PHLDB3: variants seen among roughly 807,000 people sequenced by gnomAD.
PHLDB3 encodes pleckstrin homology-like domain family B member 3.
Under a neutral mutation model 85.7 loss-of-function variants are expected in PHLDB3, and 86 were observed. The observed-to-expected ratio is 1.00, with a 90% CI of 0.84 to 1.20. The LOEUF (loss-of-function observed/expected upper bound fraction) is 1.20. PHLDB3 is among the 50% of genes most tolerant of loss of function. PHLDB3 has a pLI of 0.00. For synonymous variants in PHLDB3, 376 were observed against 349.8 expected, an observed-to-expected ratio of 1.07 and a Z score of -0.83; for missense variants, 995 against 873.0, an observed-to-expected ratio of 1.14 and a Z score of -1.76.
chr19:43,501,559 G>T, intron 4 of PHLDB3, 175 bp downstream of exon 4: 4 of 1,252,540 alleles, frequency 3.2e-6, no homozygotes, highest in Middle Eastern at 2.1e-4. Context: ...CAAAAATCTC[G>T]CCCAGGGAGG....
intron 13 of PHLDB3, chr19:43,485,989 CCTT>C (rs1313085447): frequency 1.0e-6 from 1 of 985,258 alleles, no homozygotes; most frequent in Non-Finnish European, 1.2e-6. Context: ...GACTTGTCCT[CCTT>C]CTGTACTGAC....
chr19:43,485,559 A>AT (rs754136421), intron 13 of PHLDB3, among the ~76,000 whole-genome samples: 2,256 of 132,464 alleles, frequency 0.017, 47 homozygotes, highest in African/African-American at 0.051. Context: ...TTTGGTTTTG[A>AT]TTTTTTTTTT....
chr19:43,498,858 A>T (rs1239996102), intron 4 of PHLDB3, among the ~76,000 whole-genome samples: 2 of 152,218 alleles, frequency 1.3e-5, no homozygotes, highest in Non-Finnish European at 2.9e-5. Flanking sequence ...CAAATGCATG[A>T]AAGTTGAAAA....
intron 6 of PHLDB3, chr19:43,496,034 G>A (rs77146826): frequency 9.1e-6 from 1 of 109,416 alleles, no homozygotes; most frequent in African/African-American, 3.7e-5. Context: ...TTTTTTTTTT[G>A]AGATGGAGTT....
At chr19:43,487,212 C>G in intron 9 of PHLDB3, 89 bp from the exon 10 acceptor site, 1 of 1,058,526 alleles carries the variant, frequency 9.4e-7, no homozygotes, top group Non-Finnish European at 1.4e-6. Flanking sequence ...ACCACCCAGT[C>G]AGCACAAATC....
In PHLDB3 at chr19:43,486,510, C is replaced by T. The variant is rs1475832613; in HGVS notation, c.1428+99G>A. On this transcript the variant is annotated intron_variant, in intron 12 of 15. Coordinates refer to ENST00000292140, the MANE Select transcript of PHLDB3 (RefSeq NM_198850.4). ...GGGTGGAGGGGCTGGGGGCCTGGAC[C>T]CCTGGGTCTGAGGGAGGTGGAGTTG... The T allele has an allele frequency of 6.3e-6, 9 of 1,419,564 alleles. No individual in the cohort carries two copies. In the African/African-American group the frequency reaches 7.1e-5, roughly 11 times the overall value. The allele number at this position is 1,419,564 out of a possible 1,614,324, so 87.9% of individuals were successfully genotyped here. A position where few individuals can be genotyped will look rare whatever the true frequency, so the allele number is the denominator to read the frequency against.
chr19:43,482,462 C>T (rs1454667789), intron 13 of PHLDB3, among the ~76,000 whole-genome samples: 1 of 152,186 alleles, frequency 6.6e-6, no homozygotes, highest in African/African-American at 2.4e-5. Context: ...GGACAAAGCA[C>T]ACAGCAGGGG....
rs1971705668 is a variant in PHLDB3 at position 43,504,446 on chromosome 19, C to G, written c.-15+143G>C. On this transcript the variant is annotated intron_variant, in intron 1 of 15. Coordinates refer to ENST00000292140, the MANE Select transcript of PHLDB3 (RefSeq NM_198850.4). ...GGCCTTGTACCCTCCCAGCAGCCCCCTACAATCTCTTGGATTCGCTTAGAG... is the reference window on the plus strand; with the variant it reads ...GGCCTTGTACCCTCCCAGCAGCCCCGTACAATCTCTTGGATTCGCTTAGAG... 1.4e-5 allele frequency: 6 copies of G among 438,846 alleles called. No individual in the cohort carries two copies. In the South Asian group the frequency reaches 2.0e-4, roughly 15 times the overall value. 27.2% of individuals were successfully genotyped at this position (438,846 alleles called of 1,614,324 possible).
chr19:43,494,785 G>A lies in PHLDB3; in HGVS notation c.1066C>T (p.Leu356=). Residue 356 remains leucine, a synonymous_variant, in exon 9 of 16, where the codon CTG becomes TTG. Transcript: ENST00000292140. ...GCCACGGCATCCTGGAGCACCAGCAGCTGGCGGTCTGTCTTCTGGGTGAAC... is the reference window on the plus strand; with the variant it reads ...GCCACGGCATCCTGGAGCACCAGCAACTGGCGGTCTGTCTTCTGGGTGAAC... ...LLFTQKTDRQ[L]LVLQDAVAHS... is the part of the protein sequence containing the mutation. 6.2e-7 allele frequency: 1 copy of A among 1,613,190 alleles called. No homozygotes were observed.
At chr19:43,499,367 T>C (rs561087856) in intron 4 of PHLDB3, among the ~76,000 whole-genome samples, 2 of 151,850 alleles carry the variant, frequency 1.3e-5, no homozygotes, top group South Asian at 2.1e-4. Context: ...CCTGGATTCC[T>C]GGATCTAAGG....
chr19:43,504,044 G>A lies in PHLDB3; in HGVS notation c.75C>T (p.Pro25=), dbSNP rs1971687708. 2 of 1,613,712 alleles carry A rather than the reference G, an allele frequency of 1.2e-6. No individual in the cohort carries two copies. Among genetic ancestry groups the A allele is most frequent in the Admixed American group, 1.7e-5 (1 of 59,998 alleles). ...LVPECDVEVQ[P]QGHPEESREQ... is the part of the protein sequence containing the mutation. Reference sequence around the variant, plus strand: ...CCCGGGACTCCTCGGGATGGCCCTGGGGCTGGACCTCCACGTCGCATTCCG... The same window carrying A: ...CCCGGGACTCCTCGGGATGGCCCTGAGGCTGGACCTCCACGTCGCATTCCG... Residue 25 remains proline (P), a synonymous_variant, in exon 2 of 16, where the codon CCC becomes CCT. Coordinates refer to ENST00000292140, the MANE Select transcript of PHLDB3 (RefSeq NM_198850.4).
intron 4 of PHLDB3, 82 bp from the exon 5 acceptor site, chr19:43,497,958 G>C: frequency 6.6e-7 from 1 of 1,511,144 alleles, no homozygotes; most frequent in Non-Finnish European, 8.8e-7. Context: ...AGCCTGCCTG[G>C]GGTGTCGGCT....
chr19:43,504,058 C>T lies in PHLDB3; in HGVS notation c.61G>A (p.Val21Met). The change falls in exon 2 of 16, where the codon GTG becomes ATG. Residue 21 changes from valine (V) to methionine (M), a missense_variant. Physicochemically the swap from Val to Met is conservative, Grantham distance 21. Coordinates refer to ENST00000292140, the MANE Select transcript of PHLDB3 (RefSeq NM_198850.4). ...TPPPLVPECDVEVQPQGHPEE... is the reference protein window; with the variant it reads ...TPPPLVPECDMEVQPQGHPEE... ...GGATGGCCCTGGGGCTGGACCTCCACGTCGCATTCCGGGACCAGCGGCGGC... is the reference window on the plus strand; with the variant it reads ...GGATGGCCCTGGGGCTGGACCTCCATGTCGCATTCCGGGACCAGCGGCGGC... 6 of 1,613,652 alleles carry T rather than the reference C, an allele frequency of 3.7e-6. No homozygotes were observed. The highest frequency in any genetic ancestry group is 5.1e-6 in the Non-Finnish European group (6 of 1,179,738).
intron 4 of PHLDB3, among the ~76,000 whole-genome samples, chr19:43,500,684 T>C (rs945379094): frequency 6.6e-6 from 1 of 152,204 alleles, no homozygotes; most frequent in Non-Finnish European, 1.5e-5. Context: ...TCGCCCAGGT[T>C]GGAGTGCAAT....
In PHLDB3 at chr19:43,495,726, A is replaced by C; in HGVS notation, c.826-106T>G. On this transcript the variant is annotated intron_variant, in intron 6 of 15. Coordinates refer to ENST00000292140, the MANE Select transcript of PHLDB3 (RefSeq NM_198850.4). ...TGGGGTTTACTCCAGCCACTCCCAGAGACCATGGGATCGGAGTGTCCAGGG... is the reference window on the plus strand; with the variant it reads ...TGGGGTTTACTCCAGCCACTCCCAGCGACCATGGGATCGGAGTGTCCAGGG... 3.5e-6 allele frequency: 5 copies of C among 1,441,348 alleles called. No homozygotes were observed. The South Asian group carries it at 5.7e-5, about 16-fold the overall frequency. The allele number at this position is 1,441,348 out of a possible 1,614,324, so 89.3% of individuals were successfully genotyped here.
Position 43,501,729 on chromosome 19 carries a change from C to T in PHLDB3, c.534+5G>A, listed in dbSNP as rs1971604066. 1 of 1,535,284 alleles carries T rather than the reference C, an allele frequency of 6.5e-7. No homozygotes were observed. Among genetic ancestry groups the T allele is most frequent in the Admixed American group, 1.8e-5 (1 of 54,200 alleles). ...GCTGATGAAGACCCGGTGAGCCAAA[C>T]AGACCTGTTCCCGCTGCTGGCGGCC... On this transcript the variant is annotated splice_donor_5th_base_variant and intron_variant, in intron 4 of 15. Transcript: ENST00000292140.
chr19:43,486,779 C>T lies in PHLDB3; in HGVS notation c.1340+1G>A, dbSNP rs1410840462. On this transcript the variant is annotated splice_donor_variant, in intron 11 of 15. Coordinates refer to ENST00000292140, the MANE Select transcript of PHLDB3 (RefSeq NM_198850.4). LOFTEE classifies it high-confidence loss of function. ...TCCCCACCTTCTCTCTGATGTCTCA[C>T]CTATTCCCACGGCCACAGTTCAGCA... The T allele has an allele frequency of 6.2e-7, 1 of 1,604,310 alleles. No homozygotes were observed. Among genetic ancestry groups the T allele is most frequent in the Non-Finnish European group, 8.5e-7 (1 of 1,174,126 alleles).
intron 15 of PHLDB3, among the ~76,000 whole-genome samples, chr19:43,476,744 C>T (rs1342327302): frequency 6.6e-6 from 1 of 152,126 alleles, no homozygotes; most frequent in Non-Finnish European, 1.5e-5. Flanking sequence ...GAGATTCCAA[C>T]CTAATTGCTA....
At chr19:43,489,183 GA>G (rs200094321) in intron 9 of PHLDB3, among the ~76,000 whole-genome samples, 2 of 151,528 alleles carry the variant, frequency 1.3e-5, no homozygotes, top group East Asian at 1.9e-4. Context: ...AAAAAGAAAA[GA>G]AAAAAAACAG....
Sources: gnomAD v4.1 joint callset for allele counts (sites outside exome capture counted in the v4.1 genomes callset) on GRCh38, gnomAD v4.1.1 for gene constraint, MANE v1.5 for transcripts, NCBI Gene and HGNC (gene_info 2026-07-23, HGNC 2026-07-21) for gene names.